SOX5: variants seen among roughly 807,000 people sequenced by gnomAD.
SOX5 encodes the protein SRY-box transcription factor 5.
Under a neutral mutation model 92.0 loss-of-function variants are expected in SOX5, and 9 were observed. The observed-to-expected ratio is 0.10, with a 90% CI of 0.06 to 0.17. SOX5 has a LOEUF of 0.17. Ranked by LOEUF, SOX5 falls within the 10% of genes least tolerant of loss-of-function variation. SOX5 has a pLI of 1.00. For missense variants in SOX5, 642 were observed against 944.5 expected (o/e 0.68, Z 4.20); for synonymous variants, 344 against 336.3 (o/e 1.02, Z -0.25).
chr12:24,297,683 G>A (rs903296988), intron 2 of SOX5, among the ~76,000 whole-genome samples: 1 of 152,242 alleles, frequency 6.6e-6, no homozygotes, highest in East Asian at 1.9e-4. Context: ...AGAACTTCAG[G>A]AACTACTGCA....
chr12:24,297,364 T>C (rs529166940), intron 2 of SOX5, among the ~76,000 whole-genome samples: 1 of 152,222 alleles, frequency 6.6e-6, no homozygotes, highest in South Asian at 2.1e-4. Context: ...TTTTTCTTTC[T>C]TTCCAATAAA....
At chr12:24,390,611 C>T (rs1380400165) in intron 1 of SOX5, among the ~76,000 whole-genome samples, 1 of 152,022 alleles carries the variant, frequency 6.6e-6, no homozygotes, top group Non-Finnish European at 1.5e-5. Flanking sequence ...CTATTATTCC[C>T]CTCTCTATGT....
chr12:24,182,052 T>C (rs1955552042), intron 4 of SOX5, among the ~76,000 whole-genome samples: 1 of 152,218 alleles, frequency 6.6e-6, no homozygotes, highest in African/African-American at 2.4e-5. Flanking sequence ...TCACAGGTTA[T>C]AAAACACAAT....
chr12:24,258,538 C>T (rs1941601824), intron 3 of SOX5, among the ~76,000 whole-genome samples: 1 of 152,102 alleles, frequency 6.6e-6, no homozygotes, highest in Admixed American at 6.6e-5. Flanking sequence ...TAGCAAGTTA[C>T]CTGTTATTTG....
rs143560435 is a variant in SOX5, at chr12:23,949,121, T to G, written c.38+443A>C. 3.3e-5 allele frequency among the ~76,000 whole-genome samples: 5 copies of G among 152,302 alleles called. No individual in the cohort carries two copies. In the East Asian group the frequency reaches 9.7e-4, roughly 29 times the overall value. ...TACGGAAGGATCAAATAGGAACTTA[T>G]AGCCTCCGTTTAAAGCACCACTAAA... On this transcript the variant is annotated intron_variant, in intron 1 of 14. Transcript: ENST00000451604.
intron 3 of SOX5, among the ~76,000 whole-genome samples, chr12:24,214,923 G>A (rs1959047356): frequency 1.3e-5 from 2 of 151,876 alleles, no homozygotes; most frequent in Non-Finnish European, 2.9e-5. Flanking sequence ...TAACCAAGTA[G>A]GATTTATCCC....
In SOX5 at chr12:24,045,474, T is replaced by G. The variant is rs78793992; in HGVS notation, c.-1-149450A>C. 6.0e-3 allele frequency among the ~76,000 whole-genome samples: 908 copies of G among 152,164 alleles called. 10 individuals are homozygous for G. Among genetic ancestry groups the G allele is most frequent in the South Asian group, 0.033 (159 of 4,816 alleles). On this transcript the variant is annotated intron_variant, in intron 4 of 4. Transcript: ENST00000446891. ...CACTACGCCCAGCTAATTTTTAAAT[T>G]TTTTTGTAGAGGTGGGGGTCTTACT...
At chr12:24,380,712 T>C (rs1957739304) in intron 1 of SOX5, among the ~76,000 whole-genome samples, 1 of 152,184 alleles carries the variant, frequency 6.6e-6, no homozygotes, top group Non-Finnish European at 1.5e-5. Flanking sequence ...TGTATTTTAA[T>C]TGTCCCAGAG....
rs527528448 is a variant in SOX5 at position 23,873,210 on chromosome 12, G to A, written c.270+22583C>T. Among the ~76,000 whole-genome samples, 13 of 152,254 alleles carry A rather than the reference G, an allele frequency of 8.5e-5. No homozygotes were observed. In the East Asian group the frequency reaches 2.5e-3, roughly 29 times the overall value. ...ATTTAAGGGCCAAGAAATGACTGTA[G>A]GCTGGGCACCGTGGCTCATGAGGCA... On this transcript the variant is annotated intron_variant, in intron 2 of 14. Transcript: ENST00000451604.
chr12:23,714,085 C>T (rs1441308011), intron 6 of SOX5, among the ~76,000 whole-genome samples: 6 of 146,640 alleles, frequency 4.1e-5, no homozygotes, highest in South Asian at 2.1e-4. Context: ...AGCAAGACTC[C>T]GCCTCAAAAA....
intron 8 of SOX5, among the ~76,000 whole-genome samples, chr12:23,605,372 T>C (rs2137553305): frequency 6.6e-6 from 1 of 151,050 alleles, no homozygotes; most frequent in African/African-American, 2.4e-5. Context: ...CTCTTTTCAT[T>C]TTCCTTTCAC....
intron 7 of SOX5, among the ~76,000 whole-genome samples, chr12:23,655,014 A>G (rs535013761): frequency 6.6e-6 from 1 of 152,112 alleles, no homozygotes; most frequent in African/African-American, 2.4e-5. Context: ...GTAGCATAGC[A>G]AATGAAAACT....
In SOX5 at chr12:23,534,323, C is replaced by G; in HGVS notation, c.2188G>C (p.Asp730His). 6.2e-7 allele frequency: 1 copy of G among 1,614,116 alleles called. No individual in the cohort carries two copies. The highest frequency in any genetic ancestry group is 1.1e-5 in the South Asian group (1 of 91,080). ...TCATCATAAATTTCTCCATTGATGT[C>G]CTCGGCCTGTATCTCTTCTTTGATA... ...PHIKEEIQAEDINGEIYDEYD... is the reference protein window; with the variant it reads ...PHIKEEIQAEHINGEIYDEYD... The change falls in exon 15 of 15, where the codon GAC becomes CAC. Residue 730 changes from aspartate (D) to histidine (H), a missense_variant. Asp to His is a moderately conservative substitution (Grantham distance 81). This residue lies in a region of SOX5 where 130 missense variants were observed against 140.6 expected (regional missense o/e 0.92). Transcript: ENST00000451604.
At chr12:24,504,839 T>A (rs1324417763) in intron 1 of SOX5, among the ~76,000 whole-genome samples, 1 of 152,200 alleles carries the variant, frequency 6.6e-6, no homozygotes, top group Non-Finnish European at 1.5e-5. Flanking sequence ...CTAAGCAAGG[T>A]GCACTTACAA....
Position 24,129,213 on chromosome 12 carries a change from T to C in SOX5, c.-2+84130A>G, listed in dbSNP as rs115031484. On this transcript the variant is annotated intron_variant, in intron 4 of 4. Transcript: ENST00000446891. Reference sequence around the variant, plus strand: ...TCTTTTGAAAGAATGTTAAACACCTTTTCATTTGAATAAACCCCTTATTGT... The same window carrying C: ...TCTTTTGAAAGAATGTTAAACACCTCTTCATTTGAATAAACCCCTTATTGT... Among the ~76,000 whole-genome samples, 238 of 152,320 alleles carry C rather than the reference T, an allele frequency of 1.6e-3. 2 individuals are homozygous for C. Among genetic ancestry groups the C allele is most frequent in the African/African-American group, 5.7e-3 (235 of 41,564 alleles).
chr12:24,330,600 C>G (rs1951194087), intron 2 of SOX5, among the ~76,000 whole-genome samples: 1 of 152,236 alleles, frequency 6.6e-6, no homozygotes, highest in Admixed American at 6.5e-5. Flanking sequence ...TCCAAATTCT[C>G]TATCTACCAG....
At chr12:24,332,751 C>A (rs772064978) in intron 2 of SOX5, among the ~76,000 whole-genome samples, 37 of 149,878 alleles carry the variant, frequency 2.5e-4, no homozygotes, top group Admixed American at 1.3e-3. Context: ...AACGTAGTGA[C>A]CATTTGAAAT....
chr12:23,973,638 C>G (rs1219527765), intron 4 of SOX5, among the ~76,000 whole-genome samples: 2 of 152,188 alleles, frequency 1.3e-5, no homozygotes, highest in African/African-American at 4.8e-5. Flanking sequence ...ATGGTGGATG[C>G]CTGAAACGTC....
chr12:24,173,470 T>G lies in SOX5; in HGVS notation c.-2+39873A>C, dbSNP rs571138328. Among the ~76,000 whole-genome samples the G allele has an allele frequency of 5.3e-5, 8 of 152,372 alleles. No individual in the cohort carries two copies. In the East Asian group the frequency reaches 1.5e-3, roughly 29 times the overall value. ...GTCATATTTTGAGACCTAATCAATG[T>G]ATAAATGAGGGGCAGCTGATACGCT... On this transcript the variant is annotated intron_variant, in intron 4 of 4. Transcript: ENST00000446891.
Sources: gnomAD v4.1 joint callset for allele counts (sites outside exome capture counted in the v4.1 genomes callset) on GRCh38, gnomAD v4.1.1 for gene constraint, gnomAD v4.1.1 regional missense constraint, MANE v1.5 for transcripts, NCBI Gene and HGNC (gene_info 2026-07-23, HGNC 2026-07-21) for gene names.